Variants in PTPRR observed in about 807,000 individuals in gnomAD.
The protein encoded by PTPRR is receptor-type tyrosine-protein phosphatase R.
In PTPRR, 38 loss-of-function variants were observed where a neutral mutation model predicts 77.2. That is an observed-to-expected ratio of 0.49 (90% confidence interval 0.38 to 0.65). The LOEUF is 0.65. Ranked by LOEUF, PTPRR falls within the 30% of genes least tolerant of loss-of-function variation. PTPRR has a pLI of 0.00. For missense variants in PTPRR, 744 were observed against 799.2 expected, an observed-to-expected ratio of 0.93 and a Z score of 0.83; for synonymous variants, 299 against 283.1, an observed-to-expected ratio of 1.06 and a Z score of -0.57.
chr12:70,658,691 T>C (rs1024428939), intron 12 of PTPRR, among the ~76,000 whole-genome samples: 2 of 151,684 alleles, frequency 1.3e-5, no homozygotes, highest in African/African-American at 4.8e-5. Flanking sequence ...TGGGATCTTA[T>C]ATGGAAGGCT....
At chr12:70,764,398 T>G (rs1159786099) in intron 3 of PTPRR, among the ~76,000 whole-genome samples, 1 of 152,156 alleles carries the variant, frequency 6.6e-6, no homozygotes, top group African/African-American at 2.4e-5. Context: ...GTTAACAAAC[T>G]TCCTCTATAA....
At chr12:70,772,498 A>G (rs536852431) in intron 2 of PTPRR, among the ~76,000 whole-genome samples, 30 of 152,292 alleles carry the variant, frequency 2.0e-4, no homozygotes, top group African/African-American at 6.7e-4. Context: ...TAAATAAGTG[A>G]TTGGAAACTG....
intron 1 of PTPRR, among the ~76,000 whole-genome samples, chr12:70,899,609 A>G (rs1442821829): frequency 6.6e-6 from 1 of 151,498 alleles, no homozygotes; most frequent in African/African-American, 2.4e-5. Context: ...CCCACAGTAC[A>G]CATTATGCTT....
chr12:70,740,474 G>A (rs939693561), intron 6 of PTPRR, among the ~76,000 whole-genome samples: 8 of 151,914 alleles, frequency 5.3e-5, no homozygotes, highest in African/African-American at 1.2e-4. Context: ...CCAGGCTCAA[G>A]TGATCCTCCC....
At chr12:70,859,181 GT>G (rs1892706184) in intron 2 of PTPRR, among the ~76,000 whole-genome samples, 1 of 151,860 alleles carries the variant, frequency 6.6e-6, no homozygotes, top group African/African-American at 2.4e-5. Flanking sequence ...TGAATGACTG[GT>G]TGTTAAGGGG....
At chr12:70,889,473 G>A (rs1013060403) in intron 2 of PTPRR, among the ~76,000 whole-genome samples, 1 of 152,106 alleles carries the variant, frequency 6.6e-6, no homozygotes. Flanking sequence ...GCTATCACAC[G>A]TTTTTGGATT....
chr12:70,718,505 TC>T (rs1337506362), intron 6 of PTPRR, among the ~76,000 whole-genome samples: 2 of 152,154 alleles, frequency 1.3e-5, no homozygotes, highest in Non-Finnish European at 2.9e-5. Context: ...GACCTCGTGA[TC>T]CGCCTGCCTA....
At chr12:70,851,514 C>T (rs751446563) in intron 2 of PTPRR, among the ~76,000 whole-genome samples, 4 of 152,052 alleles carry the variant, frequency 2.6e-5, no homozygotes, top group Non-Finnish European at 4.4e-5. Context: ...GATATGGCAA[C>T]CTCTTTCACT....
chr12:70,677,792 T>C (rs1438418648), intron 10 of PTPRR, among the ~76,000 whole-genome samples: 1 of 152,324 alleles, frequency 6.6e-6, no homozygotes, highest in South Asian at 2.1e-4. Flanking sequence ...TAATGTGCTA[T>C]TGATTTTTAC....
At chr12:70,758,825 A>G (rs992136160) in intron 4 of PTPRR, among the ~76,000 whole-genome samples, 2 of 152,170 alleles carry the variant, frequency 1.3e-5, no homozygotes, top group African/African-American at 4.8e-5. Flanking sequence ...TATTTGCCCT[A>G]TTAGTGCATA....
chr12:70,751,095 A>G (rs1179906284), intron 5 of PTPRR, among the ~76,000 whole-genome samples: 1 of 151,958 alleles, frequency 6.6e-6, no homozygotes, highest in Non-Finnish European at 1.5e-5. Context: ...AGTGTTTGAA[A>G]TCCATCTAAT....
At chr12:70,865,091 G>T (rs557978151) in intron 2 of PTPRR, among the ~76,000 whole-genome samples, 1 of 152,092 alleles carries the variant, frequency 6.6e-6, no homozygotes, top group African/African-American at 2.4e-5. Context: ...GGGATTACAG[G>T]CATGAGCCAT....
At chr12:70,880,759 C>G (rs1893135410) in intron 2 of PTPRR, among the ~76,000 whole-genome samples, 1 of 151,984 alleles carries the variant, frequency 6.6e-6, no homozygotes, top group African/African-American at 2.4e-5. Context: ...TCTGAGAAGC[C>G]CATTGTCCTT....
chr12:70,777,205 TTTC>T (rs1226569052), intron 2 of PTPRR, among the ~76,000 whole-genome samples: 9 of 152,264 alleles, frequency 5.9e-5, no homozygotes, highest in Non-Finnish European at 1.3e-4. Flanking sequence ...ATTCTTATAA[TTTC>T]TTATTTTTAA....
At chr12:70,875,053 T>C (rs1472456582) in intron 2 of PTPRR, among the ~76,000 whole-genome samples, 2 of 151,568 alleles carry the variant, frequency 1.3e-5, no homozygotes, top group African/African-American at 4.9e-5. Context: ...AAAATAAAGG[T>C]ATTAACAATG....
intron 8 of PTPRR, among the ~76,000 whole-genome samples, chr12:70,696,094 C>T (rs539449378): frequency 6.2e-4 from 94 of 152,018 alleles, no homozygotes; most frequent in South Asian, 1.7e-3. Context: ...CTTTCCTGAG[C>T]TTTGTCGTGA....
rs117835257 is a variant in PTPRR, at chr12:70,792,239, A to G, written c.358-27461T>C. On this transcript the variant is annotated intron_variant, in intron 2 of 13. Coordinates refer to ENST00000283228, the MANE Select transcript of PTPRR (RefSeq NM_002849.4). Reference sequence around the variant, plus strand: ...TGTAGGGTGTTGCCTGGAACCTAATATGTACTCAATAAATGTTACCATAAG... The same window carrying G: ...TGTAGGGTGTTGCCTGGAACCTAATGTGTACTCAATAAATGTTACCATAAG... Among the ~76,000 whole-genome samples the G allele has an allele frequency of 3.3e-5, 5 of 152,314 alleles. No homozygotes were observed. In the East Asian group the frequency reaches 9.6e-4, roughly 29 times the overall value.
chr12:70,707,375 A>T (rs115830834), intron 6 of PTPRR, among the ~76,000 whole-genome samples: 3,355 of 152,170 alleles, frequency 0.022, 58 homozygotes, highest in East Asian at 0.07. Flanking sequence ...ATTTACTTTT[A>T]AAAAAAGGAA....
chr12:70,746,379 G>A (rs1159164431), intron 5 of PTPRR, among the ~76,000 whole-genome samples: 1 of 152,182 alleles, frequency 6.6e-6, no homozygotes, highest in African/African-American at 2.4e-5. Flanking sequence ...AATGCCAGAT[G>A]TTAGTTTGGT....
Sources: allele counts gnomAD v4.1 joint callset (sites outside exome capture counted in the v4.1 genomes callset), GRCh38; gene constraint gnomAD v4.1.1; transcripts MANE v1.5; gene names NCBI Gene and HGNC (gene_info 2026-07-23, HGNC 2026-07-21).